RUVBL1: variants seen among roughly 807,000 people sequenced by gnomAD.
RUVBL1 encodes the protein ruvB-like 1.
Under a neutral mutation model 52.4 loss-of-function variants are expected in RUVBL1, and 4 were observed. The observed-to-expected ratio is 0.08, with a 90% CI of 0.04 to 0.17. The LOEUF (loss-of-function observed/expected upper bound fraction) is 0.17, where lower values mean the gene tolerates loss of function less well. Among genes scored for constraint, RUVBL1 ranks in the 10% least tolerant of loss-of-function variants. The probability of loss-of-function intolerance (pLI) is 1.00; values close to 1 mark genes in which losing one functional copy is unlikely to be tolerated. For synonymous variants in RUVBL1, 217 were observed against 214.4 expected, an observed-to-expected ratio of 1.01 and a Z score of -0.10; for missense variants, 298 against 572.8, an observed-to-expected ratio of 0.52 and a Z score of 4.90.
chr3:128,132,491 T>A (rs1447303832), intron 1 of RUVBL1, among the ~76,000 whole-genome samples: 1 of 152,182 alleles, frequency 6.6e-6, no homozygotes, highest in Non-Finnish European at 1.5e-5. Context: ...TCCTTCCTTC[T>A]GCTTGAGGAG....
chr3:128,077,665 G>A (rs965824705), downstream of RUVBL1, among the ~76,000 whole-genome samples: 1 of 152,216 alleles, frequency 6.6e-6, no homozygotes. Context: ...CAGTTGCCCC[G>A]TGCTACCCCC....
At chr3:128,130,852 G>A (rs1045295072) in intron 1 of RUVBL1, among the ~76,000 whole-genome samples, 6 of 151,844 alleles carry the variant, frequency 4.0e-5, no homozygotes, top group South Asian at 2.1e-4. Context: ...GGGTTTCACC[G>A]TGTTATCCAG....
chr3:128,135,081 T>C (rs1230560219), intron 1 of RUVBL1, among the ~76,000 whole-genome samples: 1 of 152,128 alleles, frequency 6.6e-6, no homozygotes, highest in Non-Finnish European at 1.5e-5. Flanking sequence ...TCTAGACATT[T>C]AATAATCAAA....
At chr3:128,078,912 T>C (rs1037195711), downstream of RUVBL1, 2 of 152,202 alleles carry the variant, frequency 1.3e-5, no homozygotes, top group African/African-American at 4.8e-5. Flanking sequence ...CTCCCTCACT[T>C]TGGAGCACAG....
chr3:128,112,847 G>A (rs762457567), intron 3 of RUVBL1, 41 bp downstream of exon 3: 49 of 1,604,610 alleles, frequency 3.1e-5, no homozygotes, highest in Middle Eastern at 4.1e-4. Context: ...CAGGCTTCAG[G>A]AAGTGAGACC....
chr3:128,077,825 T>G (rs769298047), downstream of RUVBL1, among the ~76,000 whole-genome samples: 3 of 152,228 alleles, frequency 2.0e-5, no homozygotes, highest in Admixed American at 1.3e-4. Flanking sequence ...TTCCTCCAGT[T>G]TGACAAACTG....
chr3:128,126,531 G>C (rs1421619969), upstream of RUVBL1, among the ~76,000 whole-genome samples: 2 of 150,100 alleles, frequency 1.3e-5, no homozygotes, highest in East Asian at 3.9e-4. Context: ...GGGCAACAGA[G>C]CAAGACTCAT....
At chr3:128,135,988 T>A (rs919201564) in intron 1 of RUVBL1, among the ~76,000 whole-genome samples, 44 of 152,188 alleles carry the variant, frequency 2.9e-4, no homozygotes, top group African/African-American at 8.9e-4. Flanking sequence ...GTAGAATTTT[T>A]AATTAGTTTT....
chr3:128,151,014 T>TTA (rs1301232967), intron 1 of RUVBL1, among the ~76,000 whole-genome samples: 1 of 95,330 alleles, frequency 1.0e-5, no homozygotes, highest in Non-Finnish European at 1.8e-5. Context: ...ATATTATATA[T>TTA]TATATATATA....
rs142087369 is a variant in RUVBL1, at chr3:128,067,366, G to A, written c.940-2146C>T. The A allele has an allele frequency of 3.9e-4, 603 of 1,548,642 alleles. 4 individuals carry two copies. In the African/African-American group the frequency reaches 7.0e-3, roughly 18 times the overall value. Reference sequence around the variant, plus strand: ...ATCTGCTCAGAACTATTTTTGCCTTGATGCTAAAGTAAAATGAAGGAGCAC... The same window carrying A: ...ATCTGCTCAGAACTATTTTTGCCTTAATGCTAAAGTAAAATGAAGGAGCAC... On this transcript the variant is annotated intron_variant, in intron 9 of 9. Coordinates refer to the RUVBL1 transcript ENST00000464873. The surrounding 1 kb of genome is among the most constrained non-coding windows in gnomAD (Gnocchi z 4.1).
In RUVBL1 at chr3:128,129,802, G is replaced by A. The variant is rs539260469; in HGVS notation, c.-39-10388C>T. Among the ~76,000 whole-genome samples the A allele has an allele frequency of 7.2e-5, 11 of 152,288 alleles. No homozygotes were observed. In the East Asian group the frequency reaches 1.5e-3, roughly 21 times the overall value. ...CAAGTACAGTATGGCTCCACTATGA[G>A]GAAGTAGTTAAATTCATAAAGACAA... On this transcript the variant is annotated intron_variant, in intron 1 of 9. Coordinates refer to the RUVBL1 transcript ENST00000464873.
In RUVBL1 at chr3:128,119,383, C is replaced by A. The variant is rs1378609102; in HGVS notation, c.173G>T (p.Ser58Ile). The stretch of plus-strand genomic sequence containing the variant: ...GACAGCTCTTCCAGCCATTTTCTTG[C>A]TTTTGATTAATTCTACTATGACGCC... ...ACGVIVELIKSKKMAGRAVLL... is the reference protein window; with the variant it reads ...ACGVIVELIKIKKMAGRAVLL... The change falls in exon 2 of 11, where the codon AGC (serine) becomes ATC (isoleucine). Residue 58 changes from serine to isoleucine, a missense_variant. Coordinates refer to ENST00000322623, the MANE Select transcript of RUVBL1 (RefSeq NM_003707.3). The A allele has an allele frequency of 6.2e-7, 1 of 1,613,984 alleles. No homozygotes were observed. The highest frequency in any genetic ancestry group is 8.5e-7 in the Non-Finnish European group (1 of 1,179,946).
At chr3:128,125,005 CTTTTTTTTTT>C (rs749620135), upstream of RUVBL1, among the ~76,000 whole-genome samples, 2 of 61,352 alleles carry the variant, frequency 3.3e-5, no homozygotes, top group Non-Finnish European at 5.6e-5. Context: ...CTCACACCGC[CTTTTTTTTTT>C]TTTTTTTTTT....
chr3:128,076,157 T>G (rs1942316082), downstream of RUVBL1: 1 of 152,332 alleles, frequency 6.6e-6, no homozygotes, highest in Admixed American at 6.5e-5. The surrounding 1 kb of genome is among the most constrained non-coding windows in gnomAD (Gnocchi z 6.8). Flanking sequence ...AGCGCTATTC[T>G]GGAGGGGCAG....
At chr3:128,098,051 G>A (rs1943025948) in intron 7 of RUVBL1, among the ~76,000 whole-genome samples, 1 of 152,208 alleles carries the variant, frequency 6.6e-6, no homozygotes, top group Non-Finnish European at 1.5e-5. Context: ...TTTGAGGAAT[G>A]AAAGGCTCTG....
At chr3:128,093,871 G>A (rs911245299) in intron 8 of RUVBL1, among the ~76,000 whole-genome samples, 2 of 152,138 alleles carry the variant, frequency 1.3e-5, no homozygotes, top group Admixed American at 6.5e-5. Context: ...CTTCTAGAAC[G>A]GCTCCCACAT....
chr3:128,134,476 A>G (rs1372666451), intron 1 of RUVBL1, among the ~76,000 whole-genome samples: 1 of 124,190 alleles, frequency 8.1e-6, no homozygotes, highest in Non-Finnish European at 1.7e-5. Flanking sequence ...AAAAAAAAAA[A>G]GACAGGCTAT....
At chr3:128,109,974 C>T (rs1034990154) in intron 3 of RUVBL1, among the ~76,000 whole-genome samples, 7 of 152,104 alleles carry the variant, frequency 4.6e-5, no homozygotes, top group Admixed American at 3.9e-4. Flanking sequence ...TGCCACCATG[C>T]CCCGCTAATT....
At position 128,069,621 on chromosome 3, in the gene RUVBL1, G is replaced by A. The variant is rs1404322641; in HGVS notation, c.940-4401C>T. ...CCAGTACTTTGAGATCTTCGTTAAG[G>A]AGCAAAGCGAGGTTGGCAGCATGGG... On this transcript the variant is annotated intron_variant, in intron 9 of 9. Transcript: ENST00000464873. 4 of 1,614,028 alleles carry A rather than the reference G, an allele frequency of 2.5e-6. No individual in the cohort carries two copies. The highest frequency in any genetic ancestry group is 3.4e-6 in the Non-Finnish European group (4 of 1,180,030).
Sources: allele counts gnomAD v4.1 joint callset (sites outside exome capture counted in the v4.1 genomes callset), GRCh38; gene constraint gnomAD v4.1.1; non-coding constraint Gnocchi (gnomAD v3.1); transcripts MANE v1.5; gene names NCBI Gene and HGNC (gene_info 2026-07-23, HGNC 2026-07-21).